Variants in NFKB2 observed in about 807,000 individuals in gnomAD.
The protein encoded by NFKB2 is nuclear factor NF-kappa-B p100 subunit.
Under a neutral mutation model 109.3 loss-of-function variants are expected in NFKB2, and 21 were observed. The observed-to-expected ratio is 0.19, with a 90% CI of 0.14 to 0.28. The LOEUF is 0.28. NFKB2 is among the 10% of genes least tolerant of loss of function. NFKB2 has a pLI of 1.00. For missense variants in NFKB2, 806 were observed against 1,185.3 expected (o/e 0.68, Z 4.70); for synonymous variants, 478 against 489.9 (o/e 0.98, Z 0.32).
chr10:102,398,902 A>G lies in NFKB2; in HGVS notation c.1117+38A>G. 3.8e-6 allele frequency: 6 copies of G among 1,574,960 alleles called. No individual in the cohort carries two copies. The highest frequency in any genetic ancestry group is 5.2e-6 in the Non-Finnish European group (6 of 1,162,798). On this transcript the variant is annotated intron_variant, in intron 12 of 22. Coordinates refer to ENST00000661543, the MANE Select transcript of NFKB2 (RefSeq NM_001322934.2). The surrounding 1 kb of genome is among the most constrained non-coding windows in gnomAD (Gnocchi z 6.6). ...TGATGGAGGGAGGGGTAAAGGTAAG[A>G]GAAGCTGTGGAGGAAAAAAATCTGG...
rs538915755 is a variant in NFKB2 at position 102,400,888 on chromosome 10, G to T, written c.1969-59G>T. 4.5e-5 allele frequency: 71 copies of T among 1,582,414 alleles called. No individual in the cohort carries two copies. The East Asian group carries it at 5.0e-4, about 11-fold the overall frequency. ...GGTGGAGGGGCCAAAGATGGTGAAG[G>T]GGGGGGCTGGCCAAGGGGACCATGC... On this transcript the variant is annotated intron_variant, in intron 17 of 22. Transcript: ENST00000661543. The surrounding 1 kb of genome is among the most constrained non-coding windows in gnomAD (Gnocchi z 6.3).
At position 102,401,133 on chromosome 10, in the gene NFKB2, A is replaced by C. The variant is rs754251763; in HGVS notation, c.2072-47A>C. On this transcript the variant is annotated intron_variant, in intron 18 of 22. Transcript: ENST00000661543. The surrounding 1 kb of genome is among the most constrained non-coding windows in gnomAD (Gnocchi z 4.2). ...CCAGTCCCCCGACTTTGCAGTCCTT[A>C]ATGTAGGCCCCCACCATACCGCCCC... 2 of 1,604,946 alleles carry C rather than the reference A, an allele frequency of 1.2e-6. No individual in the cohort carries two copies. Among genetic ancestry groups the C allele is most frequent in the South Asian group, 1.1e-5 (1 of 90,548 alleles).
At position 102,399,656 on chromosome 10, in the gene NFKB2, C is replaced by G. The variant is rs772211653; in HGVS notation, c.1407C>G (p.Asp469Glu). ...TACTCGACTACGGCGTCACCGCGGA[C>G]GCGCGCGCGCTGCTGGCGGGACAGC... ...RALLDYGVTA[D>E]ARALLAGQRH... The change falls in exon 14 of 23, where the codon GAC (aspartate) becomes GAG (glutamate). Residue 469 changes from aspartate (D) to glutamate (E), a missense_variant. By Grantham distance (45) the Asp-to-Glu change is conservative. Coordinates refer to ENST00000661543, the MANE Select transcript of NFKB2 (RefSeq NM_001322934.2). The G allele has an allele frequency of 6.4e-5, 96 of 1,509,346 alleles. No individual in the cohort carries two copies. The highest frequency in any genetic ancestry group is 8.4e-5 in the Non-Finnish European group (95 of 1,127,394). The allele number at this position is 1,509,346 out of a possible 1,614,324, so 93.5% of individuals were successfully genotyped here.
chr10:102,396,701 GCTA>G lies in NFKB2; in HGVS notation c.145-20_145-18del, dbSNP rs755955864. 2 of 1,603,818 alleles carry G rather than the reference GCTA, an allele frequency of 1.2e-6. No homozygotes were observed. Among genetic ancestry groups the G allele is most frequent in the Non-Finnish European group, 1.7e-6 (2 of 1,171,258 alleles). On this transcript the variant is annotated intron_variant, in intron 4 of 22. Coordinates refer to ENST00000661543, the MANE Select transcript of NFKB2 (RefSeq NM_001322934.2). This position sits in a 1 kb window ranked among gnomAD's most constrained non-coding sequence, Gnocchi z 5.9. ...CTGGGTGGTCTTCCCTGATCACAATGCTACTATGCCCTTGGACCTTCAGAGAGG... is the reference window on the plus strand; with the variant it reads ...CTGGGTGGTCTTCCCTGATCACAATGCTATGCCCTTGGACCTTCAGAGAGG...
In NFKB2 at chr10:102,397,883, T is replaced by C; in HGVS notation, c.662-98T>C. The C allele has an allele frequency of 1.5e-6, 2 of 1,353,732 alleles. No individual in the cohort carries two copies. Among genetic ancestry groups the C allele is most frequent in the Non-Finnish European group, 1.0e-6 (1 of 954,920 alleles). The allele number at this position is 1,353,732 out of a possible 1,614,324, so 83.9% of individuals were successfully genotyped here. ...GTGTATATTGGGTGTTTCCTGCAGC[T>C]CCAGGGGTTGCTGAGATAAGGAATA... On this transcript the variant is annotated intron_variant, in intron 8 of 22. Coordinates refer to ENST00000661543, the MANE Select transcript of NFKB2 (RefSeq NM_001322934.2). The surrounding 1 kb of genome is among the most constrained non-coding windows in gnomAD (Gnocchi z 4.7).
rs757804930 is a variant in NFKB2 at position 102,400,927 on chromosome 10, C to G, written c.1969-20C>G. 1.9e-6 allele frequency: 3 copies of G among 1,605,366 alleles called. No homozygotes were observed. In the South Asian group the frequency reaches 3.3e-5, roughly 18 times the overall value. On this transcript the variant is annotated intron_variant, in intron 17 of 22. Transcript: ENST00000661543. The surrounding 1 kb of genome is among the most constrained non-coding windows in gnomAD (Gnocchi z 6.3). ...AGGGGACCATGCTGTGGTGTCAACTCTCGCTGCTCGCACCCCCAGCTCCGG... is the reference window on the plus strand; with the variant it reads ...AGGGGACCATGCTGTGGTGTCAACTGTCGCTGCTCGCACCCCCAGCTCCGG...
chr10:102,396,263 G>T lies in NFKB2; in HGVS notation c.32G>T (p.Gly11Val). The part of the protein sequence containing the change: MESCYNPGLD[G>V]IIEYDDFKLN... ...CTGTCTCCAAACCAGGGTCTGGATG[G>T]TATTATTGAATATGATGATTTCAAA... Residue 11 changes from glycine to valine, a missense_variant, in exon 3 of 23, where the codon GGT becomes GTT. Physicochemically the swap from Gly to Val is moderately radical, Grantham distance 109 (BLOSUM62 -3). Transcript: ENST00000661543. This position sits in a 1 kb window ranked among gnomAD's most constrained non-coding sequence, Gnocchi z 5.9. The T allele has an allele frequency of 6.2e-7, 1 of 1,611,444 alleles. No individual in the cohort carries two copies. Among genetic ancestry groups the T allele is most frequent in the Non-Finnish European group, 8.5e-7 (1 of 1,177,848 alleles).
At position 102,397,804 on chromosome 10, in the gene NFKB2, C is replaced by A; in HGVS notation, c.661+119C>A. The A allele has an allele frequency of 7.5e-7, 1 of 1,325,562 alleles. No homozygotes were observed. The highest frequency in any genetic ancestry group is 1.1e-6 in the Non-Finnish European group (1 of 948,944). The allele number at this position is 1,325,562 out of a possible 1,614,324, so 82.1% of individuals were successfully genotyped here. A position where few individuals can be genotyped will look rare whatever the true frequency, so the allele number is the denominator to read the frequency against. On this transcript the variant is annotated intron_variant, in intron 8 of 22. Coordinates refer to ENST00000661543, the MANE Select transcript of NFKB2 (RefSeq NM_001322934.2). The surrounding 1 kb of genome is among the most constrained non-coding windows in gnomAD (Gnocchi z 4.7). Reference sequence around the variant, plus strand: ...AGAACCTGGCCCTGCCACATATGAGCTGAGTGATCCTGAGCAAGTCATTTC... The same window carrying A: ...AGAACCTGGCCCTGCCACATATGAGATGAGTGATCCTGAGCAAGTCATTTC...
intron 13 of NFKB2, 37 bp downstream of exon 13, chr10:102,399,534 G>A (rs1232408318): frequency 6.6e-7 from 1 of 1,516,324 alleles, no homozygotes; most frequent in Non-Finnish European, 8.8e-7. Flanking sequence ...GGGGCGCCGG[G>A]GCTGAGGACC....
Position 102,396,435 on chromosome 10 carries a change from C to A in NFKB2, c.104-14C>A. 1 of 1,614,122 alleles carries A rather than the reference C, an allele frequency of 6.2e-7. No homozygotes were observed. Among genetic ancestry groups the A allele is most frequent in the East Asian group, 2.2e-5 (1 of 44,884 alleles). On this transcript the variant is annotated splice_polypyrimidine_tract_variant and intron_variant, in intron 3 of 22. Coordinates refer to ENST00000661543, the MANE Select transcript of NFKB2 (RefSeq NM_001322934.2). This position sits in a 1 kb window ranked among gnomAD's most constrained non-coding sequence, Gnocchi z 5.9. ...CTGGGAGATCGTGGCTCAGCAAGGT[C>A]TCTCTGTCCCCAGCTGATGGCCCCT...
rs1381945812 is a variant in NFKB2, at chr10:102,396,174, C to A, written c.22-79C>A. Reference sequence around the variant, plus strand: ...TCTGAGGAGGAGGGGGGAGTGACCACTGAAGACTTGGAGATGGGAGGTGGG... The same window carrying A: ...TCTGAGGAGGAGGGGGGAGTGACCAATGAAGACTTGGAGATGGGAGGTGGG... On this transcript the variant is annotated intron_variant, in intron 2 of 22. Coordinates refer to ENST00000661543, the MANE Select transcript of NFKB2 (RefSeq NM_001322934.2). The surrounding 1 kb of genome is among the most constrained non-coding windows in gnomAD (Gnocchi z 5.9). 1.3e-6 allele frequency: 2 copies of A among 1,518,262 alleles called. No individual in the cohort carries two copies. The highest frequency in any genetic ancestry group is 1.7e-5 in the Admixed American group (1 of 57,810). The allele number at this position is 1,518,262 out of a possible 1,614,324, so 94.0% of individuals were successfully genotyped here.
At position 102,397,254 on chromosome 10, in the gene NFKB2, A is replaced by T; in HGVS notation, c.396-48A>T. The T allele has an allele frequency of 6.3e-7, 1 of 1,587,372 alleles. No homozygotes were observed. Among genetic ancestry groups the T allele is most frequent in the Non-Finnish European group, 8.6e-7 (1 of 1,157,072 alleles). On this transcript the variant is annotated intron_variant, in intron 6 of 22. Coordinates refer to ENST00000661543, the MANE Select transcript of NFKB2 (RefSeq NM_001322934.2). This position sits in a 1 kb window ranked among gnomAD's most constrained non-coding sequence, Gnocchi z 4.7. ...GCCCTGGCAATGGGAAAGGTGCCTC[A>T]GGAAGAAAGAACTGCATGGCCAAAG...
In NFKB2 at chr10:102,401,042, G is replaced by T. The variant is rs781293107; in HGVS notation, c.2064G>T (p.Leu688=). 1 of 1,613,986 alleles carries T rather than the reference G, an allele frequency of 6.2e-7. No homozygotes were observed. The highest frequency in any genetic ancestry group is 8.5e-7 in the Non-Finnish European group (1 of 1,180,004). The part of the protein sequence containing the change: ...LGYPTLTRLL[L]KAGADIHAEN... ...ACCCGACCCTCACCCGCCTCCTTCT[G>T]AAGGCTGGTCAGTCTCACCCTCAGG... is the stretch of plus-strand genomic sequence containing the variant. The change falls in exon 18 of 23, where the codon CTG becomes CTT. Residue 688 remains leucine (L), a synonymous_variant. Coordinates refer to ENST00000661543, the MANE Select transcript of NFKB2 (RefSeq NM_001322934.2). The surrounding 1 kb of genome is among the most constrained non-coding windows in gnomAD (Gnocchi z 4.2).
In NFKB2 at chr10:102,397,425, T is replaced by G. The variant is rs1589860595; in HGVS notation, c.502+17T>G. ...GCCTTACGGGTATGGGTGCAGGGGG[T>G]GGGTCGGGTATGGGTGCAGGGGGTG... On this transcript the variant is annotated intron_variant, in intron 7 of 22. Coordinates refer to ENST00000661543, the MANE Select transcript of NFKB2 (RefSeq NM_001322934.2). This position sits in a 1 kb window ranked among gnomAD's most constrained non-coding sequence, Gnocchi z 4.7. 8 of 356,180 alleles carry G rather than the reference T, an allele frequency of 2.2e-5. No individual in the cohort carries two copies. The highest frequency in any genetic ancestry group is 9.7e-5 in the African/African-American group (1 of 10,340). The allele number at this position is 356,180 out of a possible 1,614,324, so 22.1% of individuals were successfully genotyped here.
In NFKB2 at chr10:102,398,309, T is replaced by TAGGGCC; in HGVS notation, c.852+13_852+18dup. On this transcript the variant is annotated intron_variant, in intron 10 of 22. Transcript: ENST00000661543. This position sits in a 1 kb window ranked among gnomAD's most constrained non-coding sequence, Gnocchi z 6.6. ...ATGTGCATAAACAGGTACCCAGGGCTAGGGCCCGGGCCCGGGCTGGGGGCT... is the reference window on the plus strand; with the variant it reads ...ATGTGCATAAACAGGTACCCAGGGCTAGGGCCAGGGCCCGGGCCCGGGCTGGGGGCT... 1 of 1,614,080 alleles carries TAGGGCC rather than the reference T, an allele frequency of 6.2e-7. No individual in the cohort carries two copies. The highest frequency in any genetic ancestry group is 8.5e-7 in the Non-Finnish European group (1 of 1,179,998).
Position 102,401,020 on chromosome 10 carries a change from C to T in NFKB2, c.2042C>T (p.Pro681Leu), listed in dbSNP as rs534798728. Reference protein sequence around the residue: ...PLHLAAGLGYPTLTRLLLKAG... With the variant: ...PLHLAAGLGYLTLTRLLLKAG... ...CACCTGGCAGCTGGACTGGGGTACC[C>T]GACCCTCACCCGCCTCCTTCTGAAG... Residue 681 changes from proline (P) to leucine (L), a missense_variant, in exon 18 of 23, where the codon CCG becomes CTG. Coordinates refer to ENST00000661543, the MANE Select transcript of NFKB2 (RefSeq NM_001322934.2). The surrounding 1 kb of genome is among the most constrained non-coding windows in gnomAD (Gnocchi z 4.2). 59 of 1,613,948 alleles carry T rather than the reference C, an allele frequency of 3.7e-5. No homozygotes were observed. Among genetic ancestry groups the T allele is most frequent in the Middle Eastern group, 1.6e-4 (1 of 6,084 alleles).
In NFKB2 at chr10:102,400,592, C is replaced by A; in HGVS notation, c.1799-63C>A. On this transcript the variant is annotated intron_variant, in intron 16 of 22. Transcript: ENST00000661543. This position sits in a 1 kb window ranked among gnomAD's most constrained non-coding sequence, Gnocchi z 6.3. ...CTATGAGGTGTCGAGATTGAATGGT[C>A]AGGGCTGGTCCAGGGGCTGCCTTAA... The A allele has an allele frequency of 6.2e-7, 1 of 1,603,316 alleles. No homozygotes were observed. Among genetic ancestry groups the A allele is most frequent in the Non-Finnish European group, 8.5e-7 (1 of 1,173,226 alleles).
rs989583640 is a variant in NFKB2, at chr10:102,401,866, C to T, written c.2415C>T (p.Asp805=). The change falls in exon 21 of 23, where the codon GAC becomes GAT. Residue 805 remains aspartate, a synonymous_variant. Coordinates refer to ENST00000661543, the MANE Select transcript of NFKB2 (RefSeq NM_001322934.2). The surrounding 1 kb of genome is among the most constrained non-coding windows in gnomAD (Gnocchi z 4.2). ...GTCTGGGGCTGCGCAGCCTGGTAGA[C>T]ACGTACCGACAGACAACCTCACCCA... is the stretch of plus-strand genomic sequence containing the variant. ...AERLGLRSLV[D]TYRQTTSPSG... 1 of 1,613,878 alleles carries T rather than the reference C, an allele frequency of 6.2e-7. No homozygotes were observed. Among genetic ancestry groups the T allele is most frequent in the East Asian group, 2.2e-5 (1 of 44,880 alleles).
At chr10:102,395,114 G>C (rs1434887597), upstream of NFKB2, among the ~76,000 whole-genome samples, 2 of 137,092 alleles carry the variant, frequency 1.5e-5, no homozygotes, top group Non-Finnish European at 3.2e-5. Flanking sequence ...GGGGGGGGGG[G>C]GGGGAGCGTG....
Sources: gnomAD v4.1 joint callset for allele counts (sites outside exome capture counted in the v4.1 genomes callset) on GRCh38, gnomAD v4.1.1 for gene constraint, Gnocchi (gnomAD v3.1) non-coding constraint, MANE v1.5 for transcripts, NCBI Gene and HGNC (gene_info 2026-07-23, HGNC 2026-07-21) for gene names.